The following CTNNBL1 variants were observed in gnomAD, a reference collection of about 807,000 sequenced individuals.
CTNNBL1 encodes catenin beta like 1.
Under a neutral mutation model 72.7 loss-of-function variants are expected in CTNNBL1, and 31 were observed. That is an observed-to-expected ratio of 0.43 (90% CI 0.32 to 0.58). The LOEUF (loss-of-function observed/expected upper bound fraction) is 0.58. CTNNBL1 is among the 20% of genes least tolerant of loss of function. CTNNBL1 has a pLI of 0.08. For synonymous variants in CTNNBL1, 240 were observed against 267.3 expected, an observed-to-expected ratio of 0.90 and a Z score of 1.00; for missense variants, 534 against 725.1, an observed-to-expected ratio of 0.74 and a Z score of 3.03.
intron 2 of CTNNBL1, among the ~76,000 whole-genome samples, chr20:37,737,132 G>C (rs1485871713): frequency 6.6e-6 from 1 of 152,160 alleles, no homozygotes; most frequent in Non-Finnish European, 1.5e-5. Flanking sequence ...GCTGAGGCAG[G>C]AGAATCGCTT....
At chr20:37,830,613 A>T (rs2122790177) in intron 11 of CTNNBL1, among the ~76,000 whole-genome samples, 1 of 152,266 alleles carries the variant, frequency 6.6e-6, no homozygotes, top group East Asian at 1.9e-4. Flanking sequence ...ACTTGTTAAT[A>T]TACATAGGAC....
At chr20:37,716,008 T>A (rs1219616464) in intron 1 of CTNNBL1, among the ~76,000 whole-genome samples, 1 of 151,902 alleles carries the variant, frequency 6.6e-6, no homozygotes, top group East Asian at 1.9e-4. Context: ...ATTTTTTTTT[T>A]AAAGGCAACC....
intron 11 of CTNNBL1, among the ~76,000 whole-genome samples, chr20:37,815,339 T>C (rs4811148): frequency 0.81 from 118,846 of 145,956 alleles, 48,459 homozygotes; most frequent in Middle Eastern, 0.89. Context: ...TTTTCTGAGA[T>C]GGAGTTGCAC....
At chr20:37,823,580 C>A (rs187206766) in intron 11 of CTNNBL1, among the ~76,000 whole-genome samples, 1 of 152,152 alleles carries the variant, frequency 6.6e-6, no homozygotes, top group African/African-American at 2.4e-5. Context: ...GCAGGACTGT[C>A]GAGTAAGATG....
chr20:37,823,057 G>A (rs538090358), intron 11 of CTNNBL1, among the ~76,000 whole-genome samples: 3 of 152,236 alleles, frequency 2.0e-5, no homozygotes, highest in African/African-American at 2.4e-5. Flanking sequence ...GATTGTACCC[G>A]GTTAATAAAA....
At chr20:37,805,410 T>C (rs373477773) in intron 11 of CTNNBL1, among the ~76,000 whole-genome samples, 31 of 5,140 alleles carry the variant, frequency 6.0e-3, no homozygotes, top group Admixed American at 0.015. Context: ...TTTTTTTTCC[T>C]TTTTTTTTTT....
At position 37,825,400 on chromosome 20, in the gene CTNNBL1, C is replaced by T. The variant is rs578022908; in HGVS notation, c.1214-14702C>T. On this transcript the variant is annotated intron_variant, in intron 11 of 15. Transcript: ENST00000361383. ...AATAAAAAGAGAAACTGAGGCCGGG[C>T]GTGACGGCTCACGCCTGTAATCCCA... Among the ~76,000 whole-genome samples the T allele has an allele frequency of 1.5e-3, 232 of 152,136 alleles. 4 individuals carry two copies. In the South Asian group the frequency reaches 0.047, roughly 31 times the overall value.
At chr20:37,719,854 T>A (rs1445222021) in intron 1 of CTNNBL1, among the ~76,000 whole-genome samples, 1 of 151,500 alleles carries the variant, frequency 6.6e-6, no homozygotes, top group Non-Finnish European at 1.5e-5. Context: ...TCTTTTTTTT[T>A]TTTTGAGACA....
chr20:37,826,734 CAT>C (rs2072163294), intron 11 of CTNNBL1, among the ~76,000 whole-genome samples: 2 of 152,212 alleles, frequency 1.3e-5, no homozygotes, highest in African/African-American at 4.8e-5. Flanking sequence ...TCCCTCACCA[CAT>C]GTTTATCCAT....
At chr20:37,792,247 T>C (rs2073731369) in intron 10 of CTNNBL1, among the ~76,000 whole-genome samples, 1 of 152,192 alleles carries the variant, frequency 6.6e-6, no homozygotes, top group Non-Finnish European at 1.5e-5. Context: ...TATCAGTTTT[T>C]GTTTTCATTG....
chr20:37,734,266 G>T (rs1232930431), intron 2 of CTNNBL1, among the ~76,000 whole-genome samples: 1 of 152,176 alleles, frequency 6.6e-6, no homozygotes, highest in Non-Finnish European at 1.5e-5. Flanking sequence ...TAATTTGGGG[G>T]TCTCCCGCTA....
intron 10 of CTNNBL1, among the ~76,000 whole-genome samples, chr20:37,798,270 A>G (rs2122727672): frequency 6.6e-6 from 1 of 152,344 alleles, no homozygotes; most frequent in Non-Finnish European, 1.5e-5. Flanking sequence ...CATAATAAAG[A>G]AGAATAAGCT....
chr20:37,796,581 G>A (rs1400563492), intron 10 of CTNNBL1, among the ~76,000 whole-genome samples: 1 of 151,768 alleles, frequency 6.6e-6, no homozygotes, highest in Admixed American at 6.6e-5. Flanking sequence ...TTTATTCCTG[G>A]TGGGTAGTAA....
chr20:37,822,328 C>CA (rs1056276040), intron 11 of CTNNBL1, among the ~76,000 whole-genome samples: 27 of 152,266 alleles, frequency 1.8e-4, no homozygotes, highest in African/African-American at 6.5e-4. Context: ...TGCTGATTTG[C>CA]AGCCATGCCC....
chr20:37,841,632 A>T (rs976351067), intron 12 of CTNNBL1, among the ~76,000 whole-genome samples: 5 of 152,182 alleles, frequency 3.3e-5, no homozygotes, highest in Admixed American at 2.6e-4. Context: ...TGCCAACCTG[A>T]TAAAAAGATA....
chr20:37,734,193 T>G (rs1019612568), intron 2 of CTNNBL1, among the ~76,000 whole-genome samples: 13 of 152,238 alleles, frequency 8.5e-5, no homozygotes, highest in Admixed American at 5.9e-4. Context: ...GGATTCATAT[T>G]CCAAAAAGGT....
intron 1 of CTNNBL1, among the ~76,000 whole-genome samples, chr20:37,716,339 A>C (rs753756275): frequency 6.6e-5 from 10 of 152,172 alleles, no homozygotes; most frequent in Non-Finnish European, 1.3e-4. Flanking sequence ...TAGAGCTTGC[A>C]GGGAGAATTT....
At chr20:37,836,635 TTTG>T (rs2072256873) in intron 11 of CTNNBL1, among the ~76,000 whole-genome samples, 1 of 152,200 alleles carries the variant, frequency 6.6e-6, no homozygotes, top group Admixed American at 6.5e-5. Context: ...CTATAATTGT[TTTG>T]TTTTCTTCAC....
chr20:37,722,787 G>C (rs1420756307), intron 1 of CTNNBL1, among the ~76,000 whole-genome samples: 1 of 152,106 alleles, frequency 6.6e-6, no homozygotes, highest in Admixed American at 6.5e-5. Context: ...TCTGATTTTT[G>C]GTTTGCTGCT....
Sources: gnomAD v4.1 joint callset for allele counts (sites outside exome capture counted in the v4.1 genomes callset) on GRCh38, gnomAD v4.1.1 for gene constraint, MANE v1.5 for transcripts, NCBI Gene and HGNC (gene_info 2026-07-23, HGNC 2026-07-21) for gene names.